PTGER4: variants seen among roughly 807,000 people sequenced by gnomAD.
The protein encoded by PTGER4 is prostaglandin E receptor 4.
Under a neutral mutation model 33.2 loss-of-function variants are expected in PTGER4, and 11 were observed. That is an observed-to-expected ratio of 0.33 (90% confidence interval 0.21 to 0.55). The LOEUF is 0.55. Among genes scored for constraint, PTGER4 ranks in the 20% least tolerant of loss-of-function variants. The pLI is 0.92. For synonymous variants in PTGER4, 275 were observed against 281.5 expected, an observed-to-expected ratio of 0.98 and a Z score of 0.23; for missense variants, 481 against 650.2, an observed-to-expected ratio of 0.74 and a Z score of 2.83.
the PTGER4 span, among the ~76,000 whole-genome samples, chr5:40,706,431 C>T: frequency 5.0e-3 from 767 of 152,084 alleles, 7 homozygotes; most frequent in African/African-American, 0.017. Flanking sequence ...CCTCATGACA[C>T]GTGTTTATCT....
downstream of PTGER4, among the ~76,000 whole-genome samples, chr5:40,694,542 T>C (rs1236406712): frequency 6.6e-6 from 1 of 152,180 alleles, no homozygotes; most frequent in African/African-American, 2.4e-5. Context: ...GAGCCCCCTC[T>C]CCTTGACTTG....
At chr5:40,726,160 TAC>T in the PTGER4 span, among the ~76,000 whole-genome samples, 98,597 of 147,986 alleles carry the variant, frequency 0.67, 32,960 homozygotes, top group East Asian at 0.79. Flanking sequence ...TATATATATA[TAC>T]ACACACACAC....
chr5:40,708,162 G>A, the PTGER4 span, among the ~76,000 whole-genome samples: 1 of 151,938 alleles, frequency 6.6e-6, no homozygotes, highest in Non-Finnish European at 1.5e-5. Flanking sequence ...GCTAGCAGAA[G>A]GCAAGAAATA....
chr5:40,689,038 T>C (rs1222067001), intron 2 of PTGER4, among the ~76,000 whole-genome samples: 2 of 152,168 alleles, frequency 1.3e-5, no homozygotes, highest in Non-Finnish European at 2.9e-5. Flanking sequence ...AGAAAAGTAA[T>C]CAATAATATA....
Position 40,692,566 on chromosome 5 carries a change from A to G in PTGER4, c.*188A>G. Reference sequence around the variant, plus strand: ...GACTCACGTGGGTCCTGAGGCCTGCAGCACGTCGGATGCTACCCCACTATG... The same window carrying G: ...GACTCACGTGGGTCCTGAGGCCTGCGGCACGTCGGATGCTACCCCACTATG... On this transcript the variant is annotated 3_prime_UTR_variant, in exon 3 of 3. Coordinates refer to ENST00000302472, the MANE Select transcript of PTGER4 (RefSeq NM_000958.3). 1 of 1,384,032 alleles carries G rather than the reference A, an allele frequency of 7.2e-7. No homozygotes were observed. The highest frequency in any genetic ancestry group is 1.7e-5 in the South Asian group (1 of 58,676). The allele number at this position is 1,384,032 out of a possible 1,614,324, so 85.7% of individuals were successfully genotyped here. A position where few individuals can be genotyped will look rare whatever the true frequency, so the allele number is the denominator to read the frequency against.
chr5:40,718,268 A>T, the PTGER4 span, among the ~76,000 whole-genome samples: 16 of 151,720 alleles, frequency 1.1e-4, no homozygotes, highest in Admixed American at 1.1e-3. Context: ...TTAGTTGGAC[A>T]TAGTGGTGGT....
the PTGER4 span, among the ~76,000 whole-genome samples, chr5:40,745,602 G>A: frequency 1.3e-3 from 204 of 151,808 alleles, no homozygotes; most frequent in African/African-American, 4.8e-3. Context: ...ACACCTCATC[G>A]TAGCCTCAAC....
chr5:40,738,847 T>C, the PTGER4 span, among the ~76,000 whole-genome samples: 1 of 152,150 alleles, frequency 6.6e-6, no homozygotes, highest in East Asian at 1.9e-4. Context: ...ATATATTTTC[T>C]TTTGTGAAGC....
the PTGER4 span, among the ~76,000 whole-genome samples, chr5:40,729,616 G>A: frequency 6.6e-6 from 1 of 152,104 alleles, no homozygotes; most frequent in Admixed American, 6.5e-5. Flanking sequence ...GAACTATTTT[G>A]CTAAGTCTAC....
chr5:40,714,409 A>G, the PTGER4 span: 1 of 152,226 alleles, frequency 6.6e-6, no homozygotes, highest in Non-Finnish European at 1.5e-5. Flanking sequence ...TATAAGAAAG[A>G]CACTAAGTAG....
the PTGER4 span, among the ~76,000 whole-genome samples, chr5:40,738,514 CAATAAAATAA>C: frequency 6.1e-4 from 49 of 79,814 alleles, 2 homozygotes; most frequent in African/African-American, 2.2e-3. Context: ...CAATAAAATA[CAATAAAATAA>C]AATACAATAA....
the PTGER4 span, among the ~76,000 whole-genome samples, chr5:40,719,736 T>C: frequency 6.6e-6 from 1 of 152,232 alleles, no homozygotes; most frequent in African/African-American, 2.4e-5. Context: ...TTTATGATAG[T>C]GAATGTGAAG....
the PTGER4 span, among the ~76,000 whole-genome samples, chr5:40,723,654 C>T: frequency 6.6e-6 from 1 of 152,060 alleles, no homozygotes; most frequent in Non-Finnish European, 1.5e-5. Context: ...CACCTGAGAC[C>T]AGGAGTTCAA....
the PTGER4 span, among the ~76,000 whole-genome samples, chr5:40,736,872 A>G: frequency 9.9e-5 from 15 of 152,130 alleles, no homozygotes; most frequent in Non-Finnish European, 2.1e-4. Context: ...CAAAATCTAC[A>G]CTCTTAACCA....
chr5:40,726,760 C>T, the PTGER4 span, among the ~76,000 whole-genome samples: 4 of 151,886 alleles, frequency 2.6e-5, no homozygotes, highest in African/African-American at 9.7e-5. Context: ...ATATTATGTC[C>T]TAGAGATTTG....
chr5:40,709,970 A>T, the PTGER4 span, among the ~76,000 whole-genome samples: 852 of 149,166 alleles, frequency 5.7e-3, 7 homozygotes, highest in African/African-American at 0.02. Context: ...AACCATAAAA[A>T]CCCTAGAAGA....
the PTGER4 span, among the ~76,000 whole-genome samples, chr5:40,742,409 A>C: frequency 6.6e-6 from 1 of 152,226 alleles, no homozygotes; most frequent in Non-Finnish European, 1.5e-5. Context: ...AATTCATGTC[A>C]CCATCACAAC....
At chr5:40,738,654 C>T in the PTGER4 span, among the ~76,000 whole-genome samples, 1 of 151,622 alleles carries the variant, frequency 6.6e-6, no homozygotes, top group Non-Finnish European at 1.5e-5. Context: ...AGCTATTTTA[C>T]ATTTTCATGA....
At chr5:40,702,274 G>A in the PTGER4 span, among the ~76,000 whole-genome samples, 1 of 152,284 alleles carries the variant, frequency 6.6e-6, no homozygotes, top group East Asian at 1.9e-4. Flanking sequence ...CTGTCTTCAA[G>A]AGACCCATCT....
Sources: gnomAD v4.1 joint callset for allele counts (sites outside exome capture counted in the v4.1 genomes callset) on GRCh38, gnomAD v4.1.1 for gene constraint, MANE v1.5 for transcripts, NCBI Gene and HGNC (gene_info 2026-07-23, HGNC 2026-07-21) for gene names.